KCNIP4: variants seen among roughly 807,000 people sequenced by gnomAD.
KCNIP4 encodes Kv channel-interacting protein 4.
KCNIP4 carries 12 observed loss-of-function variants against 34.0 expected under a neutral mutation model. The ratio of observed to expected loss-of-function variants is 0.35; its 90% CI spans 0.23 to 0.57. The LOEUF (loss-of-function observed/expected upper bound fraction) is 0.57. Ranked by LOEUF, KCNIP4 falls within the 20% of genes least tolerant of loss-of-function variation. The pLI, the probability that KCNIP4 is intolerant of heterozygous loss-of-function variation, is 0.83. For missense variants in KCNIP4, 238 were observed against 311.7 expected (o/e 0.76, Z 1.78); for synonymous variants, 124 against 102.2 (o/e 1.21, Z -1.29).
rs1197814375 is a variant in KCNIP4, at chr4:20,962,842, A to G, written c.62-80133T>C. ...AAATTGTGAAATCTCTAAAAGCCCT[A>G]AAGTGTTGTTCAACTCATGTCTTAT... On this transcript the variant is annotated intron_variant, in intron 1 of 8. Coordinates refer to ENST00000382152, the MANE Select transcript of KCNIP4 (RefSeq NM_025221.6). Among the ~76,000 whole-genome samples the G allele has an allele frequency of 2.0e-5, 3 of 152,336 alleles. No homozygotes were observed. In the East Asian group the frequency reaches 5.8e-4, roughly 29 times the overall value.
chr4:20,835,947 C>A (rs190541156), intron 3 of KCNIP4, among the ~76,000 whole-genome samples: 13 of 152,286 alleles, frequency 8.5e-5, no homozygotes, highest in Admixed American at 3.9e-4. Context: ...ACTTTCACTT[C>A]TTTGTATCTC....
intron 1 of KCNIP4, among the ~76,000 whole-genome samples, chr4:21,692,573 T>A (rs1398218073): frequency 6.6e-6 from 1 of 152,176 alleles, no homozygotes. Flanking sequence ...TAGGTTTCAA[T>A]GGAAGAAAGA....
intron 1 of KCNIP4, among the ~76,000 whole-genome samples, chr4:21,399,337 A>G (rs1560367801): frequency 6.6e-6 from 1 of 152,216 alleles, no homozygotes; most frequent in Non-Finnish European, 1.5e-5. Context: ...CCCCACTGAG[A>G]CTGACCCTCA....
In KCNIP4 at chr4:21,239,281, A is replaced by T. The variant is rs573188898; in HGVS notation, c.62-356572T>A. ...TAAAACCATAAAAACCCTAGAAGAA[A>T]ACCTAGGCAATACCATTCAGGACAT... On this transcript the variant is annotated intron_variant, in intron 1 of 8. Coordinates refer to ENST00000382152, the MANE Select transcript of KCNIP4 (RefSeq NM_025221.6). Among the ~76,000 whole-genome samples, 146 of 145,014 alleles carry T rather than the reference A, an allele frequency of 1.0e-3. 1 individual carries two copies. Among genetic ancestry groups the T allele is most frequent in the Non-Finnish European group, 2.0e-3 (132 of 64,990 alleles).
At chr4:20,882,836 C>T (rs1033347735) in intron 1 of KCNIP4, 127 bp from the exon 2 acceptor site, 1 of 619,994 alleles carries the variant, frequency 1.6e-6, no homozygotes, top group Non-Finnish European at 2.8e-6. Context: ...CAATCACAGG[C>T]AGTGGGTTGG....
chr4:20,917,080 C>T (rs1728928532), intron 1 of KCNIP4, among the ~76,000 whole-genome samples: 1 of 138,686 alleles, frequency 7.2e-6, no homozygotes, highest in African/African-American at 2.7e-5. Flanking sequence ...GCTCTGTTGC[C>T]AGGCTGGAGT....
At chr4:21,274,397 T>C (rs1232803754) in intron 1 of KCNIP4, among the ~76,000 whole-genome samples, 1 of 152,206 alleles carries the variant, frequency 6.6e-6, no homozygotes, top group Non-Finnish European at 1.5e-5. Context: ...GAAAAGAATC[T>C]TTATTTCTCC....
At chr4:20,921,524 C>T (rs1360589515) in intron 1 of KCNIP4, among the ~76,000 whole-genome samples, 1 of 152,098 alleles carries the variant, frequency 6.6e-6, no homozygotes, top group East Asian at 1.9e-4. Flanking sequence ...TTTATTATGT[C>T]ATGTTACTTT....
intron 1 of KCNIP4, among the ~76,000 whole-genome samples, chr4:21,937,757 A>G (rs991681785): frequency 6.6e-6 from 1 of 151,888 alleles, no homozygotes; most frequent in African/African-American, 2.4e-5. Flanking sequence ...CTTGTCTTCT[A>G]TTTGTCTGAT....
intron 1 of KCNIP4, among the ~76,000 whole-genome samples, chr4:21,569,646 TAATCAGA>T (rs1740208976): frequency 6.6e-6 from 1 of 152,152 alleles, no homozygotes; most frequent in Non-Finnish European, 1.5e-5. Flanking sequence ...GATGTTCTAT[TAATCAGA>T]GTCTGGTGTT....
chr4:21,156,474 A>C (rs1753153534), intron 1 of KCNIP4, among the ~76,000 whole-genome samples: 1 of 152,230 alleles, frequency 6.6e-6, no homozygotes, highest in African/African-American at 2.4e-5. Flanking sequence ...ATGCACGGAA[A>C]GAGCTATGCA....
At chr4:21,809,337 C>A (rs1721486738) in intron 1 of KCNIP4, among the ~76,000 whole-genome samples, 1 of 152,118 alleles carries the variant, frequency 6.6e-6, no homozygotes, top group African/African-American at 2.4e-5. Flanking sequence ...AAAGGCTCAC[C>A]CCAGTGCCGC....
At chr4:21,767,739 A>G (rs1438234750) in intron 1 of KCNIP4, among the ~76,000 whole-genome samples, 1 of 152,116 alleles carries the variant, frequency 6.6e-6, no homozygotes, top group Non-Finnish European at 1.5e-5. Flanking sequence ...CGGGGACCTA[A>G]TAAGCACAGA....
Position 21,816,018 on chromosome 4 carries a change from G to A in KCNIP4, c.61+132553C>T, listed in dbSNP as rs182388057. Among the ~76,000 whole-genome samples the A allele has an allele frequency of 4.7e-4, 72 of 152,240 alleles. 1 individual carries two copies. The highest frequency in any genetic ancestry group is 1.7e-3 in the African/African-American group (69 of 41,558). On this transcript the variant is annotated intron_variant, in intron 1 of 8. Transcript: ENST00000382152. Reference sequence around the variant, plus strand: ...CTTAATAATGAGGGTGAATCTCACAGGCAGGTCCTTTGGGATGGTTGTAAT... The same window carrying A: ...CTTAATAATGAGGGTGAATCTCACAAGCAGGTCCTTTGGGATGGTTGTAAT...
At chr4:20,963,714 G>A (rs906326317) in intron 1 of KCNIP4, among the ~76,000 whole-genome samples, 2 of 152,088 alleles carry the variant, frequency 1.3e-5, no homozygotes, top group African/African-American at 4.8e-5. Context: ...CACTAGACAT[G>A]ATTTTAAGGA....
At chr4:21,818,521 G>C (rs556665458) in intron 1 of KCNIP4, among the ~76,000 whole-genome samples, 1 of 152,238 alleles carries the variant, frequency 6.6e-6, no homozygotes, top group Admixed American at 6.5e-5. Flanking sequence ...AGTGGTGTAT[G>C]GATTTTAAAC....
chr4:21,190,854 G>C (rs1008532595), intron 1 of KCNIP4, among the ~76,000 whole-genome samples: 1 of 152,166 alleles, frequency 6.6e-6, no homozygotes, highest in East Asian at 1.9e-4. Context: ...CTGACACTCT[G>C]CTCCCAGCTT....
At chr4:21,517,558 G>C (rs558205164) in intron 1 of KCNIP4, among the ~76,000 whole-genome samples, 2 of 152,108 alleles carry the variant, frequency 1.3e-5, no homozygotes, top group African/African-American at 4.8e-5. Context: ...CCAATGAATC[G>C]AGGTATTTCA....
At chr4:21,772,693 T>C (rs999223110) in intron 1 of KCNIP4, among the ~76,000 whole-genome samples, 2 of 152,184 alleles carry the variant, frequency 1.3e-5, no homozygotes, top group African/African-American at 4.8e-5. Context: ...TTCTAGATTT[T>C]CTAGTTTATT....
Sources: allele counts gnomAD v4.1 joint callset (sites outside exome capture counted in the v4.1 genomes callset), GRCh38; gene constraint gnomAD v4.1.1; transcripts MANE v1.5; gene names NCBI Gene and HGNC (gene_info 2026-07-23, HGNC 2026-07-21).